The following PRRG1 variants were observed in gnomAD, a reference collection of about 807,000 sequenced individuals.
The protein encoded by PRRG1 is transmembrane gamma-carboxyglutamic acid protein 1.
Under a neutral mutation model 11.8 loss-of-function variants are expected in PRRG1, and 5 were observed. The ratio of observed to expected loss-of-function variants is 0.42; its 90% CI spans 0.22 to 0.89. The LOEUF (loss-of-function observed/expected upper bound fraction) is 0.89. Among genes scored for constraint, PRRG1 ranks in the 40% least tolerant of loss-of-function variants. The pLI, the probability that PRRG1 is intolerant of heterozygous loss-of-function variation, is 0.28. For missense variants in PRRG1, 155 were observed against 166.1 expected (o/e 0.93, Z 0.37); for synonymous variants, 66 against 60.4 (o/e 1.09, Z -0.43).
At chrX:37,355,147 G>A (rs1930198091) in intron 1 of PRRG1, among the ~76,000 whole-genome samples, 1 of 110,508 alleles carries the variant, frequency 9.0e-6, no homozygotes, top group Non-Finnish European at 1.9e-5. Flanking sequence ...TCAAACTCCT[G>A]GGCTGAAGTG....
At chrX:37,351,505 A>AAAAAG (rs1556364888) in intron 1 of PRRG1, among the ~76,000 whole-genome samples, 3 of 111,546 alleles carry the variant, frequency 2.7e-5, no homozygotes, top group African/African-American at 9.8e-5. Context: ...AAAAAAAAAA[A>AAAAAG]AAAGAAAGAA....
chrX:37,396,154 G>A (rs140167585), intron 1 of PRRG1, among the ~76,000 whole-genome samples: 119 of 112,362 alleles, frequency 1.1e-3, no homozygotes, highest in Middle Eastern at 4.7e-3. Flanking sequence ...CTGCATTTCT[G>A]CATTGTTAAG....
At chrX:37,447,123 T>G (rs1468587482) in intron 3 of PRRG1, among the ~76,000 whole-genome samples, 3 of 111,697 alleles carry the variant, frequency 2.7e-5, no homozygotes, top group African/African-American at 9.8e-5. Context: ...ATAGTACCAT[T>G]TAAATATAAC....
rs782043299 is a variant in PRRG1 at position 37,425,924 on chromosome X, A to G, written c.95A>G (p.Asn32Ser). ...NGFFEEIRQGNIERECKEEFC... is the reference protein window; with the variant it reads ...NGFFEEIRQGSIERECKEEFC... ...TTTTTTGAAGAAATAAGACAGGGCA[A>G]CATTGAGCGTGAGTGCAAAGAAGAA... Residue 32 changes from asparagine to serine, a missense_variant, in exon 3 of 4, where the codon AAC becomes AGC. Transcript: ENST00000378628. 1 of 1,208,078 alleles carries G rather than the reference A, an allele frequency of 8.3e-7. No individual in the cohort carries two copies. Among genetic ancestry groups the G allele is most frequent in the South Asian group, 1.8e-5 (1 of 56,008 alleles).
At chrX:37,442,251 A>G in intron 3 of PRRG1, 2 of 746,989 alleles carry the variant, frequency 2.7e-6, no homozygotes, top group Non-Finnish European at 3.2e-6. Flanking sequence ...ATGCGTGCCT[A>G]CAACACTCTC....
intron 1 of PRRG1, among the ~76,000 whole-genome samples, chrX:37,377,874 G>A (rs782060420): frequency 9.0e-6 from 1 of 111,454 alleles, no homozygotes; most frequent in Non-Finnish European, 1.9e-5. Context: ...GAGACTTCTG[G>A]GTTCATTACA....
chrX:37,410,167 A>G (rs1556383401), intron 2 of PRRG1, among the ~76,000 whole-genome samples: 1 of 112,178 alleles, frequency 8.9e-6, no homozygotes, highest in Non-Finnish European at 1.9e-5. Flanking sequence ...TTAAGAATCT[A>G]TAATTATTCT....
rs1482316715 is a variant in PRRG1 at position 37,408,153 on chromosome X, C to A, written c.10+1894C>A. On this transcript the variant is annotated intron_variant, in intron 2 of 3. Coordinates refer to ENST00000378628, the MANE Select transcript of PRRG1 (RefSeq NM_001142395.2). ...AATGGAAGCTTCTAGAGTAGTGATA[C>A]GGCTCCAATGACTGGGGGAACTCCA... 5.4e-5 allele frequency among the ~76,000 whole-genome samples: 6 copies of A among 111,913 alleles called. No individual in the cohort carries two copies. In the Admixed American group the frequency reaches 5.7e-4, roughly 11 times the overall value.
chrX:37,432,654 A>C, intron 3 of PRRG1, among the ~76,000 whole-genome samples: 1 of 112,128 alleles, frequency 8.9e-6, no homozygotes, highest in Non-Finnish European at 1.9e-5. Context: ...ACACATCGCC[A>C]TCCAACAACC....
At chrX:37,367,439 A>G (rs1289014912) in intron 1 of PRRG1, among the ~76,000 whole-genome samples, 1 of 111,756 alleles carries the variant, frequency 8.9e-6, no homozygotes, top group Non-Finnish European at 1.9e-5. Context: ...ATGTAGGTAA[A>G]TTTGAGAGGA....
rs146879781 is a variant in PRRG1 at position 37,350,303 on chromosome X, A to G, written c.-42+908A>G. 3.7e-3 allele frequency among the ~76,000 whole-genome samples: 416 copies of G among 111,947 alleles called. 4 individuals are homozygous for G. Among genetic ancestry groups the G allele is most frequent in the African/African-American group, 0.013 (405 of 30,754 alleles). On this transcript the variant is annotated intron_variant, in intron 1 of 3. Transcript: ENST00000378628. ...GCGAAACTAATGGGATTTGAGAGGAAATAATTGAATGAAAGGATGAAGAGG... is the reference window on the plus strand; with the variant it reads ...GCGAAACTAATGGGATTTGAGAGGAGATAATTGAATGAAAGGATGAAGAGG...
At chrX:37,401,177 A>G (rs1931962588) in intron 1 of PRRG1, among the ~76,000 whole-genome samples, 1 of 110,711 alleles carries the variant, frequency 9.0e-6, no homozygotes, top group African/African-American at 3.3e-5. Flanking sequence ...CAGAGACACA[A>G]CCAAAAAAGA....
intron 2 of PRRG1, among the ~76,000 whole-genome samples, chrX:37,412,808 T>A (rs1169971819): frequency 9.0e-6 from 1 of 111,250 alleles, no homozygotes; most frequent in Admixed American, 9.6e-5. Flanking sequence ...AAGAAGAAAA[T>A]AACCTTTGGC....
At chrX:37,394,761 A>C (rs1189512685) in intron 1 of PRRG1, among the ~76,000 whole-genome samples, 3 of 110,612 alleles carry the variant, frequency 2.7e-5, no homozygotes, top group African/African-American at 9.9e-5. Context: ...CAAAAATGGC[A>C]AAGGAACTCT....
At chrX:37,419,893 C>T (rs782386193) in intron 2 of PRRG1, among the ~76,000 whole-genome samples, 51 of 112,095 alleles carry the variant, frequency 4.5e-4, no homozygotes, top group African/African-American at 1.5e-3. Flanking sequence ...CATGTCATCC[C>T]AGACTTGACC....
At chrX:37,407,156 A>G (rs1367394092) in intron 2 of PRRG1, among the ~76,000 whole-genome samples, 1 of 111,818 alleles carries the variant, frequency 8.9e-6, no homozygotes, top group Non-Finnish European at 1.9e-5. Context: ...TGTGATTGTC[A>G]TGGGGTCTCT....
chrX:37,440,695 A>G, intron 3 of PRRG1: 2 of 488,821 alleles, frequency 4.1e-6, no homozygotes. Flanking sequence ...ATAATTCCCT[A>G]TTAACCTAGG....
At chrX:37,349,924 C>G (rs1929999873) in intron 1 of PRRG1, among the ~76,000 whole-genome samples, 1 of 110,160 alleles carries the variant, frequency 9.1e-6, no homozygotes, top group Non-Finnish European at 1.9e-5. Context: ...GAATGTGTCC[C>G]TCTTCTGATC....
intron 3 of PRRG1, among the ~76,000 whole-genome samples, chrX:37,446,642 A>G (rs1383555440): frequency 7.2e-5 from 8 of 111,613 alleles, no homozygotes; most frequent in African/African-American, 2.6e-4. Flanking sequence ...GTGTGTTACT[A>G]TAACAGAATC....
Sources: gnomAD v4.1 joint callset for allele counts (sites outside exome capture counted in the v4.1 genomes callset) on GRCh38, gnomAD v4.1.1 for gene constraint, MANE v1.5 for transcripts, NCBI Gene and HGNC (gene_info 2026-07-23, HGNC 2026-07-21) for gene names.